Variants in PIGF observed in about 807,000 individuals in gnomAD.
PIGF encodes phosphatidylinositol glycan anchor biosynthesis class F.
In PIGF, 23 loss-of-function variants were observed where a neutral mutation model predicts 26.0. The ratio of observed to expected loss-of-function variants is 0.88; its 90% CI spans 0.64 to 1.25. The LOEUF is 1.25. Among genes scored for constraint, PIGF ranks in the 50% most tolerant of loss-of-function variants. The pLI is 0.00. For synonymous variants in PIGF, 93 were observed against 92.6 expected (o/e 1.00, Z -0.03); for missense variants, 278 against 249.9 (o/e 1.11, Z -0.76).
At chr2:46,592,794 C>T (rs572744551) in intron 4 of PIGF, among the ~76,000 whole-genome samples, 11 of 152,272 alleles carry the variant, frequency 7.2e-5, no homozygotes, top group Middle Eastern at 3.4e-3. Context: ...AATATACAGA[C>T]GCACTAGGAG....
At position 46,591,876 on chromosome 2, in the gene PIGF, T is replaced by C. The variant is rs149387495; in HGVS notation, c.546+599A>G. 3.2e-3 allele frequency: 4,222 copies of C among 1,303,860 alleles called. 13 individuals carry two copies. The highest frequency in any genetic ancestry group is 3.2e-3 in the Non-Finnish European group (3,128 of 988,890). The allele number at this position is 1,303,860 out of a possible 1,614,324, so 80.8% of individuals were successfully genotyped here. Reference sequence around the variant, plus strand: ...GACGAAAAATCTGATGTTTGTGAGCTTTCTTGATAACACAGGCCGCTGCTG... The same window carrying C: ...GACGAAAAATCTGATGTTTGTGAGCCTTCTTGATAACACAGGCCGCTGCTG... On this transcript the variant is annotated intron_variant, in intron 5 of 5. Coordinates refer to ENST00000281382, the MANE Select transcript of PIGF (RefSeq NM_002643.4).
At chr2:46,594,155 A>G (rs1405281879) in intron 4 of PIGF, among the ~76,000 whole-genome samples, 1 of 152,230 alleles carries the variant, frequency 6.6e-6, no homozygotes. Context: ...GGCCAAGTTC[A>G]ATGTAAAGGG....
At chr2:46,615,717 T>A (rs1311431194) in intron 1 of PIGF, 1 of 153,870 alleles carries the variant, frequency 6.5e-6, no homozygotes, top group Non-Finnish European at 1.4e-5. Context: ...TGACACCAAG[T>A]GCACATTCCA....
chr2:46,586,576 C>T (rs1027692779), intron 5 of PIGF, among the ~76,000 whole-genome samples: 7 of 152,052 alleles, frequency 4.6e-5, no homozygotes, highest in Admixed American at 1.3e-4. Context: ...CTGTCTCTCT[C>T]GAGATAAAAA....
chr2:46,608,712 T>G (rs1312583830), intron 4 of PIGF, among the ~76,000 whole-genome samples: 1 of 152,154 alleles, frequency 6.6e-6, no homozygotes, highest in African/African-American at 2.4e-5. Context: ...TTCTTGTACA[T>G]CTCCAACAGA....
At chr2:46,593,171 T>C (rs1303004417) in intron 4 of PIGF, among the ~76,000 whole-genome samples, 1 of 150,488 alleles carries the variant, frequency 6.6e-6, no homozygotes, top group Non-Finnish European at 1.5e-5. Context: ...TCTCACTCTG[T>C]GTCCAGGCTG....
At chr2:46,603,749 A>C (rs955220540) in intron 4 of PIGF, among the ~76,000 whole-genome samples, 1 of 152,100 alleles carries the variant, frequency 6.6e-6, no homozygotes, top group Non-Finnish European at 1.5e-5. Context: ...CAAACTATGA[A>C]ACTACTAAAA....
rs752212928 is a variant in PIGF at position 46,581,547 on chromosome 2, C to A, written c.591G>T (p.Val197=). 4 of 1,611,576 alleles carry A rather than the reference C, an allele frequency of 2.5e-6. No homozygotes were observed. The highest frequency in any genetic ancestry group is 3.4e-6 in the Non-Finnish European group (4 of 1,179,582). ...AGAGTGGTGAAATAACAAGGCCAGC[C>A]ACGTAGCCAAAGGTCGCTCCAAGCG... The part of the protein sequence containing the change: ...SCTLGATFGY[V]AGLVISPLWI... The change falls in exon 6 of 6, where the codon GTG becomes GTT. Residue 197 remains valine (V), a synonymous_variant. Transcript: ENST00000281382.
chr2:46,582,339 T>G (rs531120813), intron 5 of PIGF: 2 of 152,226 alleles, frequency 1.3e-5, no homozygotes, highest in South Asian at 4.2e-4. Context: ...TGAAGCTTAT[T>G]TGGTACACTG....
At chr2:46,608,878 G>T (rs552798146) in intron 4 of PIGF, among the ~76,000 whole-genome samples, 1 of 152,258 alleles carries the variant, frequency 6.6e-6, no homozygotes, top group African/African-American at 2.4e-5. Context: ...TCCATTGACA[G>T]TATATAGGCA....
chr2:46,590,135 A>G (rs1669684367), intron 5 of PIGF, among the ~76,000 whole-genome samples: 1 of 152,138 alleles, frequency 6.6e-6, no homozygotes, highest in Non-Finnish European at 1.5e-5. Context: ...GGAAACCAAC[A>G]CTTGTTATGT....
chr2:46,597,816 C>A (rs1669936438), intron 4 of PIGF, among the ~76,000 whole-genome samples: 1 of 152,186 alleles, frequency 6.6e-6, no homozygotes, highest in Non-Finnish European at 1.5e-5. Context: ...ATGTTTCTCT[C>A]ATTCTCTAAA....
At chr2:46,611,858 G>A (rs914273584) in intron 4 of PIGF, among the ~76,000 whole-genome samples, 6 of 152,046 alleles carry the variant, frequency 3.9e-5, no homozygotes. Flanking sequence ...ATGTATGTAA[G>A]CAATTTTATT....
chr2:46,595,331 C>G (rs1669851379), intron 4 of PIGF, among the ~76,000 whole-genome samples: 1 of 152,158 alleles, frequency 6.6e-6, no homozygotes, highest in East Asian at 1.9e-4. Context: ...TTTGCCTATT[C>G]TGGACATTTC....
At chr2:46,594,554 A>G (rs1361191048) in intron 4 of PIGF, among the ~76,000 whole-genome samples, 3 of 142,566 alleles carry the variant, frequency 2.1e-5, no homozygotes, top group African/African-American at 8.0e-5. Flanking sequence ...TTTTTTTTTG[A>G]GACGGAGTTT....
intron 4 of PIGF, among the ~76,000 whole-genome samples, chr2:46,606,984 A>G (rs550225204): frequency 1.3e-5 from 2 of 152,342 alleles, no homozygotes; most frequent in South Asian, 4.1e-4. Context: ...ACATTATGCT[A>G]AGTAAAAAAA....
intron 4 of PIGF, among the ~76,000 whole-genome samples, chr2:46,595,867 A>G (rs1250458864): frequency 6.6e-6 from 1 of 152,170 alleles, no homozygotes; most frequent in Non-Finnish European, 1.5e-5. Context: ...ATATCAAACT[A>G]AGGAACCATG....
chr2:46,602,166 TC>T (rs1269690494), intron 4 of PIGF, among the ~76,000 whole-genome samples: 1 of 151,990 alleles, frequency 6.6e-6, no homozygotes, highest in Non-Finnish European at 1.5e-5. Flanking sequence ...CTTGTCTACT[TC>T]CAAGTTTCTT....
In PIGF at chr2:46,589,491, G is replaced by A. The variant is rs959187419; in HGVS notation, c.546+2984C>T. On this transcript the variant is annotated intron_variant, in intron 5 of 5. Transcript: ENST00000281382. The surrounding 1 kb of genome is among the most constrained non-coding windows in gnomAD (Gnocchi z 4.7). ...TAAAACATGTAGTAGATTTTGTGGG[G>A]TTTTGTGTGTGTGTGTGCATGTGTG... Among the ~76,000 whole-genome samples the A allele has an allele frequency of 2.0e-5, 3 of 151,766 alleles. No homozygotes were observed. Among genetic ancestry groups the A allele is most frequent in the African/African-American group, 4.8e-5 (2 of 41,362 alleles).
Sources: gnomAD v4.1 joint callset for allele counts (sites outside exome capture counted in the v4.1 genomes callset) on GRCh38, gnomAD v4.1.1 for gene constraint, Gnocchi (gnomAD v3.1) non-coding constraint, MANE v1.5 for transcripts, NCBI Gene and HGNC (gene_info 2026-07-23, HGNC 2026-07-21) for gene names.